Variants in ERICH6B observed in about 807,000 individuals in gnomAD.
ERICH6B encodes glutamate-rich protein 6B.
Under a neutral mutation model 80.0 loss-of-function variants are expected in ERICH6B, and 69 were observed. The ratio of observed to expected loss-of-function variants is 0.86; its 90% CI spans 0.71 to 1.05. ERICH6B has a LOEUF of 1.05. Ranked by LOEUF, ERICH6B falls within the 50% of genes least tolerant of loss-of-function variation. The pLI is 0.00. For synonymous variants in ERICH6B, 283 were observed against 291.9 expected (o/e 0.97, Z 0.31); for missense variants, 754 against 796.1 (o/e 0.95, Z 0.64).
rs1874173925 is a variant in ERICH6B, at chr13:45,550,397, C to A, written c.1408-81G>T. 16 of 1,187,614 alleles carry A rather than the reference C, an allele frequency of 1.3e-5. 1 individual carries two copies. In the South Asian group the frequency reaches 2.3e-4, roughly 17 times the overall value. The allele number at this position is 1,187,614 out of a possible 1,614,324, so 73.6% of individuals were successfully genotyped here. On this transcript the variant is annotated intron_variant, in intron 11 of 14. Transcript: ENST00000298738. ...TCCTACTGCAGAGCACGGTGTGGAC[C>A]CCATCTGCTTGCTCTCCGATGCCAC...
intron 11 of ERICH6B, among the ~76,000 whole-genome samples, chr13:45,554,505 A>G (rs1470834138): frequency 6.6e-6 from 1 of 152,192 alleles, no homozygotes; most frequent in East Asian, 1.9e-4. Context: ...AGCCACCCAA[A>G]AGCCAGAATT....
At position 45,550,324 on chromosome 13, in the gene ERICH6B, G is replaced by T; in HGVS notation, c.1408-8C>A. 6.5e-7 allele frequency: 1 copy of T among 1,548,960 alleles called. No homozygotes were observed. The highest frequency in any genetic ancestry group is 8.7e-7 in the Non-Finnish European group (1 of 1,144,886). ...TCCATCACCTTGATGCACCTGGGAA[G>T]AAAAGACAAGCCTATGAAAAGTGTG... is the stretch of plus-strand genomic sequence containing the variant. On this transcript the variant is annotated splice_polypyrimidine_tract_variant and splice_region_variant and intron_variant, in intron 11 of 14. Transcript: ENST00000298738.
chr13:45,576,990 A>G (rs533497292), intron 7 of ERICH6B, among the ~76,000 whole-genome samples: 2 of 152,272 alleles, frequency 1.3e-5, no homozygotes, highest in Non-Finnish European at 2.9e-5. Context: ...CCTCTCTTCT[A>G]GTGATATCAT....
intron 4 of ERICH6B, among the ~76,000 whole-genome samples, chr13:45,588,093 G>GT (rs947694849): frequency 6.6e-6 from 1 of 152,218 alleles, no homozygotes; most frequent in African/African-American, 2.4e-5. Flanking sequence ...TGCAGAGGAA[G>GT]TAAGTTAGGC....
Position 45,580,632 on chromosome 13 carries a change from T to C in ERICH6B, c.890A>G (p.Gln297Arg), listed in dbSNP as rs368539765. 1.2e-4 allele frequency: 184 copies of C among 1,551,712 alleles called. 4 individuals are homozygous for C. In the African/African-American group the frequency reaches 2.1e-3, roughly 18 times the overall value. The change falls in exon 6 of 15, where the codon CAA becomes CGA. Residue 297 changes from glutamine to arginine, a missense_variant. Coordinates refer to ENST00000298738, the MANE Select transcript of ERICH6B (RefSeq NM_182542.3). ...CGGAGCCAGCTTCGTGGTGGTTTCT[T>C]GCTCTGTTTCTGATTTCGATTTTAA... ...KSLKSKSETE[Q>R]ETTTKLAPEE...
rs373461118 is a variant in ERICH6B at position 45,574,816 on chromosome 13, G to T, written c.1050+26C>A. 73 of 1,510,502 alleles carry T rather than the reference G, an allele frequency of 4.8e-5. 1 individual carries two copies. Among genetic ancestry groups the T allele is most frequent in the Admixed American group, 2.6e-4 (13 of 50,854 alleles). 93.6% of individuals were successfully genotyped at this position (1,510,502 alleles called of 1,614,324 possible). On this transcript the variant is annotated intron_variant, in intron 8 of 14. Transcript: ENST00000298738. ...CTACATTTGGAGGAAGCTGGGGGGGGGGTCTCAAGTTTTTATCCAACTTAC... is the reference window on the plus strand; with the variant it reads ...CTACATTTGGAGGAAGCTGGGGGGGTGGTCTCAAGTTTTTATCCAACTTAC...
chr13:45,603,542 C>A (rs897478533), intron 2 of ERICH6B, among the ~76,000 whole-genome samples: 12 of 152,178 alleles, frequency 7.9e-5, no homozygotes, highest in African/African-American at 2.4e-4. Flanking sequence ...GGTCCTAGAC[C>A]TGCTGGTCTT....
intron 14 of ERICH6B, 135 bp from the exon 15 acceptor site, chr13:45,541,815 AGCCCT>A: frequency 2.6e-6 from 2 of 772,808 alleles, no homozygotes; most frequent in African/African-American, 3.5e-5. Flanking sequence ...CTGTGTTCTC[AGCCCT>A]GCCACCTGCC....
chr13:45,598,940 C>T (rs530671405), intron 2 of ERICH6B, among the ~76,000 whole-genome samples: 2 of 152,226 alleles, frequency 1.3e-5, no homozygotes, highest in African/African-American at 2.4e-5. Context: ...AGGCTACATT[C>T]ACCCCAGAGC....
intron 2 of ERICH6B, among the ~76,000 whole-genome samples, chr13:45,605,593 G>C (rs1949853416): frequency 6.6e-6 from 1 of 152,250 alleles, no homozygotes; most frequent in Non-Finnish European, 1.5e-5. Flanking sequence ...ACCTAGGTCT[G>C]CTCTTGCTGA....
chr13:45,608,784 T>G (rs1204704092), intron 1 of ERICH6B, among the ~76,000 whole-genome samples: 1 of 152,218 alleles, frequency 6.6e-6, no homozygotes, highest in Non-Finnish European at 1.5e-5. Context: ...GTTATTCGGA[T>G]GTAACGATTC....
intron 6 of ERICH6B, 134 bp from the exon 7 acceptor site, chr13:45,580,108 T>C: frequency 6.8e-6 from 5 of 740,086 alleles, no homozygotes; most frequent in Non-Finnish European, 8.8e-6. Flanking sequence ...GTGCCTGTGT[T>C]TTGGGATAAA....
chr13:45,564,338 T>G (rs756498694), intron 9 of ERICH6B, among the ~76,000 whole-genome samples: 1 of 152,204 alleles, frequency 6.6e-6, no homozygotes, highest in Non-Finnish European at 1.5e-5. Flanking sequence ...GGCGTTTCAG[T>G]GGTGTGGACT....
At chr13:45,604,949 T>C (rs1407453723) in intron 2 of ERICH6B, among the ~76,000 whole-genome samples, 1 of 152,060 alleles carries the variant, frequency 6.6e-6, no homozygotes, top group Non-Finnish European at 1.5e-5. Context: ...CCAAGAAGGT[T>C]TGGATGAAAG....
At chr13:45,548,862 G>A (rs945092867) in intron 13 of ERICH6B, among the ~76,000 whole-genome samples, 25 of 152,204 alleles carry the variant, frequency 1.6e-4, no homozygotes, top group African/African-American at 4.3e-4. Flanking sequence ...TCAGGAAATG[G>A]TGTCTAAAAA....
At chr13:45,559,441 G>T (rs926648329) in intron 11 of ERICH6B, among the ~76,000 whole-genome samples, 2 of 151,554 alleles carry the variant, frequency 1.3e-5, no homozygotes, top group African/African-American at 4.9e-5. Context: ...TGCTTGGTTT[G>T]AATTTGATTA....
At chr13:45,571,608 C>G (rs1395393699) in intron 8 of ERICH6B, among the ~76,000 whole-genome samples, 1 of 152,288 alleles carries the variant, frequency 6.6e-6, no homozygotes, top group East Asian at 1.9e-4. Context: ...AATTGTATTT[C>G]CCTGCTTCCC....
rs768306075 is a variant in ERICH6B at position 45,568,408 on chromosome 13, T to C, written c.1094A>G (p.Lys365Arg). 7 of 1,550,088 alleles carry C rather than the reference T, an allele frequency of 4.5e-6. No individual in the cohort carries two copies. Among genetic ancestry groups the C allele is most frequent in the Middle Eastern group, 1.7e-4 (1 of 6,008 alleles). The part of the protein sequence containing the change: ...SYQTVFKTII[K>R]EMAAHNELEE... ...CAGTTCATTGTGAGCAGCCATTTCT[T>C]TGATTATTGTTTTAAATACTGTCTG... The change falls in exon 9 of 15, where the codon AAA (lysine) becomes AGA (arginine). Residue 365 changes from lysine (K) to arginine (R), a missense_variant. By Grantham distance (26) the Lys-to-Arg change is conservative (BLOSUM62 2). Transcript: ENST00000298738.
chr13:45,568,715 G>C (rs1875028594), intron 8 of ERICH6B, among the ~76,000 whole-genome samples: 1 of 152,068 alleles, frequency 6.6e-6, no homozygotes, highest in Admixed American at 6.6e-5. Flanking sequence ...TGCACATCCT[G>C]TACCCTGAAT....
Sources: allele counts gnomAD v4.1 joint callset (sites outside exome capture counted in the v4.1 genomes callset), GRCh38; gene constraint gnomAD v4.1.1; transcripts MANE v1.5; gene names NCBI Gene and HGNC (gene_info 2026-07-23, HGNC 2026-07-21).